The following NRXN3 variants were observed in gnomAD, a reference collection of about 807,000 sequenced individuals.
NRXN3 encodes the protein neurexin 3.
Under a neutral mutation model 137.6 loss-of-function variants are expected in NRXN3, and 32 were observed. The observed-to-expected ratio is 0.23, with a 90% CI of 0.18 to 0.31. The LOEUF (loss-of-function observed/expected upper bound fraction) is 0.31. Among genes scored for constraint, NRXN3 ranks in the 10% least tolerant of loss-of-function variants. NRXN3 has a pLI of 1.00. For synonymous variants in NRXN3, 798 were observed against 784.5 expected, an observed-to-expected ratio of 1.02 and a Z score of -0.29; for missense variants, 1,574 against 2,062.5, an observed-to-expected ratio of 0.76 and a Z score of 4.59.
intron 15 of NRXN3, among the ~76,000 whole-genome samples, chr14:79,242,512 T>C (rs1261350066): frequency 6.6e-6 from 1 of 152,186 alleles, no homozygotes; most frequent in African/African-American, 2.4e-5. Context: ...CCCTCTGGGT[T>C]CCATTAGTAG....
At chr14:79,409,774 C>T (rs750444021) in intron 15 of NRXN3, among the ~76,000 whole-genome samples, 5 of 151,592 alleles carry the variant, frequency 3.3e-5, no homozygotes, top group Non-Finnish European at 5.9e-5. Context: ...ATTGCCCATT[C>T]TCCAGCCCTT....
At chr14:79,241,395 G>T (rs1305045896) in intron 15 of NRXN3, among the ~76,000 whole-genome samples, 60 of 152,306 alleles carry the variant, frequency 3.9e-4, no homozygotes, top group Admixed American at 3.9e-3. Context: ...AGTTCCACAT[G>T]GCTAGGGAGG....
chr14:79,453,204 G>A (rs964589059), intron 15 of NRXN3, among the ~76,000 whole-genome samples: 6 of 152,116 alleles, frequency 3.9e-5, no homozygotes, highest in African/African-American at 9.7e-5. Flanking sequence ...GAGGCAGGTG[G>A]AACACCTGAG....
chr14:79,209,650 T>G (rs1351265843), intron 15 of NRXN3, among the ~76,000 whole-genome samples: 1 of 152,226 alleles, frequency 6.6e-6, no homozygotes, highest in Admixed American at 6.5e-5. Context: ...TGTTTATTAC[T>G]TTATTGCTTG....
At position 79,854,035 on chromosome 14, in the gene NRXN3, T is replaced by A. The variant is rs141338625; in HGVS notation, c.4094-7307T>A. Reference sequence around the variant, plus strand: ...TATGTGTTGTTGCCTCCCTGTATCATCCTCTGTTGTAAATTATTATATTTG... The same window carrying A: ...TATGTGTTGTTGCCTCCCTGTATCAACCTCTGTTGTAAATTATTATATTTG... On this transcript the variant is annotated intron_variant, in intron 20 of 20. Transcript: ENST00000335750. 76 of 984,766 alleles carry A rather than the reference T, an allele frequency of 7.7e-5. No homozygotes were observed. The East Asian group carries it at 7.7e-3, about 100-fold the overall frequency. The allele number at this position is 984,766 out of a possible 1,614,324, so 61.0% of individuals were successfully genotyped here.
intron 4 of NRXN3, among the ~76,000 whole-genome samples, chr14:78,512,433 C>T (rs1348222914): frequency 6.6e-6 from 1 of 152,150 alleles, no homozygotes; most frequent in African/African-American, 2.4e-5. Flanking sequence ...CCCATTATTT[C>T]ACTAAATTCA....
At position 78,583,354 on chromosome 14, in the gene NRXN3, T is replaced by C. The variant is rs373566261; in HGVS notation, c.758-61766T>C. Among the ~76,000 whole-genome samples, 73 of 152,106 alleles carry C rather than the reference T, an allele frequency of 4.8e-4. 1 individual carries two copies. The South Asian group carries it at 7.9e-3, about 16-fold the overall frequency. On this transcript the variant is annotated intron_variant, in intron 4 of 20. Coordinates refer to ENST00000335750, the MANE Select transcript of NRXN3 (RefSeq NM_001330195.2). ...GATGATTATTTTCTTTTTTTTATAT[T>C]TCTGTAACTTTAAATAAGGATCTAT...
intron 15 of NRXN3, among the ~76,000 whole-genome samples, chr14:79,102,400 A>G (rs1292788611): frequency 6.6e-6 from 1 of 152,170 alleles, no homozygotes; most frequent in Non-Finnish European, 1.5e-5. Context: ...GTAGGTATTG[A>G]CAGTTCCCAA....
chr14:79,663,880 T>C lies in NRXN3; in HGVS notation c.3547T>C (p.Phe1183Leu), dbSNP rs1273951151. The change falls in exon 17 of 21, where the codon TTC (phenylalanine) becomes CTC (leucine). Residue 1183 changes from phenylalanine to leucine, a missense_variant. By Grantham distance (22) the Phe-to-Leu change is conservative. This residue lies in a region of NRXN3 where 133 missense variants were observed against 241.8 expected (regional missense o/e 0.55). Transcript: ENST00000335750. Reference protein sequence around the residue: ...VNDGKYHVVRFTRNGGNATLQ... With the variant: ...VNDGKYHVVRLTRNGGNATLQ... The stretch of plus-strand genomic sequence containing the variant: ...TGACGGCAAATACCATGTGGTACGC[T>C]TCACCAGGAACGGCGGCAACGCCAC... 1 of 1,613,446 alleles carries C rather than the reference T, an allele frequency of 6.2e-7. No individual in the cohort carries two copies. The highest frequency in any genetic ancestry group is 8.5e-7 in the Non-Finnish European group (1 of 1,179,672).
At chr14:79,728,045 C>G (rs1158569861) in intron 19 of NRXN3, among the ~76,000 whole-genome samples, 24 of 152,178 alleles carry the variant, frequency 1.6e-4, no homozygotes, top group Admixed American at 1.6e-3. Flanking sequence ...CAACTTCTCC[C>G]TGAAGCCAGG....
intron 19 of NRXN3, among the ~76,000 whole-genome samples, chr14:79,780,516 G>A (rs1246470311): frequency 6.6e-6 from 1 of 152,042 alleles, no homozygotes; most frequent in African/African-American, 2.4e-5. Context: ...GGCTGAGGCA[G>A]GAGAATGGTG....
intron 19 of NRXN3, among the ~76,000 whole-genome samples, chr14:79,782,292 T>A (rs891418576): frequency 2.0e-5 from 3 of 152,148 alleles, no homozygotes; most frequent in African/African-American, 7.2e-5. Flanking sequence ...CTATTACTTT[T>A]CCCCTATAGT....
At position 79,045,733 on chromosome 14, in the gene NRXN3, A is replaced by G. The variant is rs1255942089; in HGVS notation, c.3262+57592A>G. Among the ~76,000 whole-genome samples the G allele has an allele frequency of 2.6e-5, 4 of 152,216 alleles. 1 individual carries two copies. In the East Asian group the frequency reaches 7.7e-4, roughly 29 times the overall value. On this transcript the variant is annotated intron_variant, in intron 15 of 20. Coordinates refer to ENST00000335750, the MANE Select transcript of NRXN3 (RefSeq NM_001330195.2). ...CTATAGGAAATATTTGGTGAACAAGATAACGTTTTTTCATGGATACTATTT... is the reference window on the plus strand; with the variant it reads ...CTATAGGAAATATTTGGTGAACAAGGTAACGTTTTTTCATGGATACTATTT...
intron 15 of NRXN3, among the ~76,000 whole-genome samples, chr14:79,046,174 G>A (rs1377602881): frequency 6.6e-6 from 1 of 152,100 alleles, no homozygotes. Flanking sequence ...ATTTCTGAAA[G>A]CTTCCTTCCC....
At position 78,551,292 on chromosome 14, in the gene NRXN3, AT is replaced by A. The variant is rs377622557; in HGVS notation, c.758-93818del. On this transcript the variant is annotated intron_variant, in intron 4 of 20. Coordinates refer to ENST00000335750, the MANE Select transcript of NRXN3 (RefSeq NM_001330195.2). ...TATGGAATTAAAACCCAGTACAAGC[AT>A]TTTTTTTTTCTACTTATATCTATGT... Among the ~76,000 whole-genome samples, 543 of 149,036 alleles carry A rather than the reference AT, an allele frequency of 3.6e-3. 3 individuals carry two copies. Among genetic ancestry groups the A allele is most frequent in the South Asian group, 0.011 (51 of 4,680 alleles).
At chr14:79,264,559 C>T (rs916990995) in intron 15 of NRXN3, among the ~76,000 whole-genome samples, 10 of 125,350 alleles carry the variant, frequency 8.0e-5, no homozygotes, top group African/African-American at 1.7e-4. Context: ...TGTGTGTGTG[C>T]GCGCGTGCAT....
At chr14:78,186,496 C>G (rs1419968845) in intron 1 of NRXN3, among the ~76,000 whole-genome samples, 1 of 152,244 alleles carries the variant, frequency 6.6e-6, no homozygotes, top group Non-Finnish European at 1.5e-5. Context: ...CCTCAGGGAT[C>G]TGATGTCTTC....
At chr14:79,016,976 G>GT (rs1314802174) in intron 15 of NRXN3, among the ~76,000 whole-genome samples, 1 of 152,164 alleles carries the variant, frequency 6.6e-6, no homozygotes, top group South Asian at 2.1e-4. Flanking sequence ...GCAGACAGCA[G>GT]TAAACCCTGT....
chr14:79,320,104 G>A (rs2089705184), intron 15 of NRXN3, among the ~76,000 whole-genome samples: 1 of 152,194 alleles, frequency 6.6e-6, no homozygotes, highest in East Asian at 1.9e-4. Flanking sequence ...AAAATATAAA[G>A]TTCATGTCTT....
Sources: allele counts gnomAD v4.1 joint callset (sites outside exome capture counted in the v4.1 genomes callset), GRCh38; gene constraint gnomAD v4.1.1; regional missense constraint gnomAD v4.1.1; transcripts MANE v1.5; gene names NCBI Gene and HGNC (gene_info 2026-07-23, HGNC 2026-07-21).